RNF145: variants seen among roughly 807,000 people sequenced by gnomAD.
RNF145 encodes ring finger protein 145.
Under a neutral mutation model 57.3 loss-of-function variants are expected in RNF145, and 12 were observed. The observed-to-expected ratio is 0.21, with a 90% confidence interval of 0.13 to 0.34. The LOEUF is 0.34. Among genes scored for constraint, RNF145 ranks in the 10% least tolerant of loss-of-function variants. The pLI, the probability that RNF145 is intolerant of heterozygous loss-of-function variation, is 1.00. For missense variants in RNF145, 429 were observed against 799.0 expected, an observed-to-expected ratio of 0.54 and a Z score of 5.58; for synonymous variants, 262 against 288.3, an observed-to-expected ratio of 0.91 and a Z score of 0.92.
At chr5:159,196,006 T>C (rs1254206422) in intron 2 of RNF145, among the ~76,000 whole-genome samples, 2 of 152,170 alleles carry the variant, frequency 1.3e-5, no homozygotes, top group Non-Finnish European at 2.9e-5. Flanking sequence ...GAGCCTTCCA[T>C]GATAAATTCC....
At chr5:159,201,364 T>C (rs1785660746) in intron 2 of RNF145, among the ~76,000 whole-genome samples, 1 of 152,336 alleles carries the variant, frequency 6.6e-6, no homozygotes, top group East Asian at 1.9e-4. Context: ...ATATTTGTAC[T>C]TGTTGAAATT....
At chr5:159,207,251 T>G (rs1276751163) in intron 1 of RNF145, among the ~76,000 whole-genome samples, 1 of 152,042 alleles carries the variant, frequency 6.6e-6, no homozygotes, top group African/African-American at 2.4e-5. Flanking sequence ...AAAATGTAGG[T>G]TTTTACAGTC....
At chr5:159,174,808 C>G (rs1784663397) in intron 5 of RNF145, among the ~76,000 whole-genome samples, 1 of 151,430 alleles carries the variant, frequency 6.6e-6, no homozygotes, top group South Asian at 2.1e-4. Flanking sequence ...GCTTAATAAT[C>G]TGCAACTCAC....
At chr5:159,191,636 C>G (rs1259346216) in intron 3 of RNF145, among the ~76,000 whole-genome samples, 1 of 151,860 alleles carries the variant, frequency 6.6e-6, no homozygotes, top group Non-Finnish European at 1.5e-5. Flanking sequence ...ACTAAAAATA[C>G]AAAAAATTAG....
At chr5:159,178,336 G>C (rs908316451) in intron 4 of RNF145, among the ~76,000 whole-genome samples, 1 of 151,860 alleles carries the variant, frequency 6.6e-6, no homozygotes, top group Non-Finnish European at 1.5e-5. Context: ...AATTTGAAAT[G>C]CCACTGTAGT....
chr5:159,188,143 A>G (rs900174184), intron 3 of RNF145, among the ~76,000 whole-genome samples: 7 of 152,056 alleles, frequency 4.6e-5, no homozygotes, highest in Non-Finnish European at 7.4e-5. Flanking sequence ...AGCACTTTGG[A>G]AGGCCAAGGC....
At chr5:159,189,130 T>C (rs1785192734) in intron 3 of RNF145, among the ~76,000 whole-genome samples, 1 of 152,212 alleles carries the variant, frequency 6.6e-6, no homozygotes, top group African/African-American at 2.4e-5. Context: ...TTGCAAATCA[T>C]AGATCTGATA....
rs769284398 is a variant in RNF145, at chr5:159,169,065, G to T, written c.939-10C>A. ...TCCTTCTGTCATGCCCCTAAAAAAAGCATACATTTTCAGAAAACATAAAAT... is the reference window on the plus strand; with the variant it reads ...TCCTTCTGTCATGCCCCTAAAAAAATCATACATTTTCAGAAAACATAAAAT... On this transcript the variant is annotated splice_polypyrimidine_tract_variant and intron_variant, in intron 7 of 10. Coordinates refer to ENST00000424310, the MANE Select transcript of RNF145 (RefSeq NM_001199383.2). 2.5e-5 allele frequency: 38 copies of T among 1,524,178 alleles called. No individual in the cohort carries two copies. Among genetic ancestry groups the T allele is most frequent in the Non-Finnish European group, 3.3e-5 (38 of 1,139,850 alleles). 94.4% of individuals were successfully genotyped at this position (1,524,178 alleles called of 1,614,324 possible). A position where few individuals can be genotyped will look rare whatever the true frequency, so the allele number is the denominator to read the frequency against.
chr5:159,162,912 T>G lies in RNF145; in HGVS notation c.1269+20A>C. ...TAACAAAATTGGTTATTATATAGAG[T>G]TAATTAATCATAGGCTTACCTGAAG... On this transcript the variant is annotated intron_variant, in intron 9 of 10. Coordinates refer to ENST00000424310, the MANE Select transcript of RNF145 (RefSeq NM_001199383.2). The G allele has an allele frequency of 6.4e-7, 1 of 1,571,450 alleles. No homozygotes were observed. Among genetic ancestry groups the G allele is most frequent in the Non-Finnish European group, 8.6e-7 (1 of 1,165,378 alleles).
At chr5:159,183,980 T>C (rs766327476) in intron 3 of RNF145, among the ~76,000 whole-genome samples, 10 of 152,216 alleles carry the variant, frequency 6.6e-5, no homozygotes, top group African/African-American at 1.2e-4. Context: ...AATTTTATGT[T>C]ATACGAATTT....
chr5:159,168,217 T>C (rs1420912723), intron 8 of RNF145, among the ~76,000 whole-genome samples: 2 of 152,128 alleles, frequency 1.3e-5, no homozygotes, highest in Non-Finnish European at 2.9e-5. Context: ...TCTCAAAATA[T>C]CACACGAACC....
At chr5:159,189,298 G>A (rs780405732) in intron 3 of RNF145, among the ~76,000 whole-genome samples, 1 of 152,170 alleles carries the variant, frequency 6.6e-6, no homozygotes, top group Non-Finnish European at 1.5e-5. Flanking sequence ...CTGAGCAAAG[G>A]ATGTGAATAA....
chr5:159,183,578 A>C (rs1784964187), intron 3 of RNF145, among the ~76,000 whole-genome samples: 2 of 152,236 alleles, frequency 1.3e-5, no homozygotes, highest in South Asian at 4.1e-4. Context: ...AAAAATTAAA[A>C]GAATTATGAA....
intron 1 of RNF145, chr5:159,207,707 A>G (rs1317596366): frequency 6.2e-7 from 1 of 1,612,720 alleles, no homozygotes; most frequent in Non-Finnish European, 8.5e-7. Flanking sequence ...TTTTAAATAT[A>G]GCTGGTCCTC....
chr5:159,161,194 G>T, intron 10 of RNF145, 72 bp downstream of exon 10: 2 of 888,652 alleles, frequency 2.3e-6, no homozygotes, highest in Non-Finnish European at 3.4e-6. Context: ...AGTTGAATTT[G>T]GTTAATATGG....
At chr5:159,203,043 A>C (rs1465974480) in intron 2 of RNF145, among the ~76,000 whole-genome samples, 2 of 152,074 alleles carry the variant, frequency 1.3e-5, no homozygotes, top group Non-Finnish European at 2.9e-5. Flanking sequence ...GTTTTCGTTT[A>C]TCTCAGGGAA....
intron 3 of RNF145, among the ~76,000 whole-genome samples, chr5:159,189,563 G>A (rs959721278): frequency 2.0e-5 from 3 of 152,152 alleles, no homozygotes; most frequent in Admixed American, 2.0e-4. Context: ...TTAAATATAG[G>A]CACCACATGA....
intron 4 of RNF145, among the ~76,000 whole-genome samples, 157 bp downstream of exon 4, chr5:159,181,800 TAAA>T (rs1258781642): frequency 1.4e-5 from 2 of 142,732 alleles, no homozygotes; most frequent in African/African-American, 2.6e-5. Flanking sequence ...AAAGAAGACT[TAAA>T]AAAAAAAAAC....
At chr5:159,177,298 C>T (rs144528837) in intron 4 of RNF145, among the ~76,000 whole-genome samples, 1 of 152,190 alleles carries the variant, frequency 6.6e-6, no homozygotes, top group Non-Finnish European at 1.5e-5. Flanking sequence ...CAAGATCATA[C>T]TGCAACAATA....
Sources: allele counts gnomAD v4.1 joint callset (sites outside exome capture counted in the v4.1 genomes callset), GRCh38; gene constraint gnomAD v4.1.1; transcripts MANE v1.5; gene names NCBI Gene and HGNC (gene_info 2026-07-23, HGNC 2026-07-21).